Variants in FRMD4B observed in about 807,000 individuals in gnomAD.
FRMD4B encodes FERM domain containing 4B, also known as FERM domain-containing protein 4B.
A neutral mutation model predicts 141.5 loss-of-function variants in FRMD4B; 74 were observed. The ratio of observed to expected loss-of-function variants is 0.52; its 90% CI spans 0.43 to 0.63. The LOEUF is 0.63. Ranked by LOEUF, FRMD4B falls within the 30% of genes least tolerant of loss-of-function variation. The pLI is 0.00. For missense variants in FRMD4B, 1,366 were observed against 1,253.4 expected, an observed-to-expected ratio of 1.09 and a Z score of -1.36; for synonymous variants, 506 against 467.9, an observed-to-expected ratio of 1.08 and a Z score of -1.05.
At chr3:69,351,331 G>T (rs902319770) in intron 1 of FRMD4B, among the ~76,000 whole-genome samples, 3 of 152,166 alleles carry the variant, frequency 2.0e-5, no homozygotes, top group South Asian at 2.1e-4. Flanking sequence ...AGGGACAAAC[G>T]TAAGTCTCAT....
At chr3:69,278,430 C>G (rs868011690) in intron 5 of FRMD4B, among the ~76,000 whole-genome samples, 7 of 152,228 alleles carry the variant, frequency 4.6e-5, no homozygotes, top group Non-Finnish European at 7.4e-5. Flanking sequence ...TCCTGAGCAG[C>G]TAGGACTACA....
intron 1 of FRMD4B, among the ~76,000 whole-genome samples, chr3:69,351,118 C>T (rs962546305): frequency 6.6e-6 from 1 of 152,092 alleles, no homozygotes; most frequent in Non-Finnish European, 1.5e-5. Context: ...AGCCCAATAC[C>T]TTCCTTTCTT....
rs1249681699 is a variant in FRMD4B, at chr3:69,181,274, C to T, written c.2476G>A (p.Glu826Lys). ...DFYYSGGYVY[E>K]NDTEGQYSVN... is the part of the protein sequence containing the mutation. Reference sequence around the variant, plus strand: ...CTATACTGTCCCTCGGTGTCATTCTCATAGACATAACCACCACTGTAATAA... The same window carrying T: ...CTATACTGTCCCTCGGTGTCATTCTTATAGACATAACCACCACTGTAATAA... Residue 826 changes from glutamate to lysine, a missense_variant, in exon 21 of 23, where the codon GAG becomes AAG. Physicochemically the swap from Glu to Lys is moderately conservative, Grantham distance 56. Transcript: ENST00000398540. 1 of 1,613,666 alleles carries T rather than the reference C, an allele frequency of 6.2e-7. No individual in the cohort carries two copies. Among genetic ancestry groups the T allele is most frequent in the African/African-American group, 1.3e-5 (1 of 74,892 alleles).
chr3:69,245,261 C>T (rs1448176841), intron 7 of FRMD4B, among the ~76,000 whole-genome samples: 1 of 151,998 alleles, frequency 6.6e-6, no homozygotes, highest in Non-Finnish European at 1.5e-5. Context: ...GTTCCACAGT[C>T]TTTGCTCTAA....
intron 6 of FRMD4B, among the ~76,000 whole-genome samples, chr3:69,249,534 T>C: frequency 6.6e-6 from 1 of 152,218 alleles, no homozygotes; most frequent in Non-Finnish European, 1.5e-5. Context: ...GATAAATGCT[T>C]TTCATTCAAG....
At chr3:69,284,500 T>A (rs901039949) in intron 5 of FRMD4B, among the ~76,000 whole-genome samples, 3 of 152,128 alleles carry the variant, frequency 2.0e-5, no homozygotes, top group Admixed American at 6.5e-5. Flanking sequence ...TGTGCACTGC[T>A]CTGGGCTAGA....
intron 4 of FRMD4B, among the ~76,000 whole-genome samples, chr3:69,296,736 C>T (rs922374373): frequency 3.3e-5 from 5 of 152,160 alleles, no homozygotes; most frequent in Non-Finnish European, 7.4e-5. Flanking sequence ...TATTGTAAAT[C>T]ACCTACCATC....
In FRMD4B at chr3:69,492,358, A is replaced by T. The variant is rs983069761; in HGVS notation, c.-129+49848T>A. 2.0e-5 allele frequency among the ~76,000 whole-genome samples: 3 copies of T among 152,176 alleles called. No homozygotes were observed. In the South Asian group the frequency reaches 6.2e-4, roughly 32 times the overall value. ...TTCCTGGCAGCCAGTAGCTTGCTCA[A>T]TAAGTGTTAGTCCCCTTTACACAGT... On this transcript the variant is annotated intron_variant, in intron 1 of 5. Transcript: ENST00000459638.
At chr3:69,414,254 A>C (rs1450961741) in intron 2 of FRMD4B, among the ~76,000 whole-genome samples, 1 of 152,046 alleles carries the variant, frequency 6.6e-6, no homozygotes, top group East Asian at 1.9e-4. Context: ...GGAAATAATC[A>C]AGGTGCTGCT....
chr3:69,385,543 A>G (rs931021888), intron 1 of FRMD4B, among the ~76,000 whole-genome samples: 1 of 152,184 alleles, frequency 6.6e-6, no homozygotes, highest in African/African-American at 2.4e-5. Context: ...GTTGCAAAGC[A>G]ACAGCCTCCC....
chr3:69,333,194 AT>A (rs1453418174), intron 1 of FRMD4B, among the ~76,000 whole-genome samples: 1 of 152,174 alleles, frequency 6.6e-6, no homozygotes, highest in South Asian at 2.1e-4. Context: ...AAAAATACAC[AT>A]TTTAAAAAAA....
intron 5 of FRMD4B, among the ~76,000 whole-genome samples, chr3:69,269,199 G>A (rs921889656): frequency 1.1e-4 from 16 of 151,866 alleles, no homozygotes; most frequent in African/African-American, 3.6e-4. Flanking sequence ...AGAGTGTTGG[G>A]ATTACAGGCG....
intron 7 of FRMD4B, among the ~76,000 whole-genome samples, chr3:69,227,593 C>T (rs1331402123): frequency 2.0e-5 from 3 of 150,074 alleles, no homozygotes; most frequent in South Asian, 2.1e-4. Context: ...ACCCAGGAGG[C>T]GGAAGTTGCA....
chr3:69,366,779 T>C (rs905740436), intron 1 of FRMD4B, among the ~76,000 whole-genome samples: 9 of 152,168 alleles, frequency 5.9e-5, no homozygotes, highest in African/African-American at 2.2e-4. Context: ...TGTTGTTTTG[T>C]TTTGTTTTTA....
intron 7 of FRMD4B, among the ~76,000 whole-genome samples, chr3:69,245,198 C>T (rs2093413994): frequency 6.6e-6 from 1 of 152,126 alleles, no homozygotes; most frequent in Non-Finnish European, 1.5e-5. Context: ...GTAATTTGTT[C>T]AAGATTACAC....
At chr3:69,309,337 C>CA (rs1326330887) in intron 3 of FRMD4B, among the ~76,000 whole-genome samples, 6 of 141,572 alleles carry the variant, frequency 4.2e-5, no homozygotes, top group African/African-American at 1.6e-4. Context: ...GATGGGGTCT[C>CA]ACTATGTTGC....
In FRMD4B at chr3:69,412,415, G is replaced by C. The variant is rs1158952266; in HGVS notation, c.-1+20219C>G. Among the ~76,000 whole-genome samples the C allele has an allele frequency of 2.4e-4, 36 of 152,156 alleles. 1 individual carries two copies. Among genetic ancestry groups the C allele is most frequent in the Admixed American group, 2.4e-3 (36 of 15,272 alleles). On this transcript the variant is annotated intron_variant, in intron 2 of 5. Transcript: ENST00000459638. ...GAAGTCTGATTTTATTTTACTGATTGCTATTCTTTTGATAACCCTAAAGTT... is the reference window on the plus strand; with the variant it reads ...GAAGTCTGATTTTATTTTACTGATTCCTATTCTTTTGATAACCCTAAAGTT...
chr3:69,242,042 C>A (rs79720023), intron 7 of FRMD4B, among the ~76,000 whole-genome samples: 5,002 of 152,220 alleles, frequency 0.033, 296 homozygotes, highest in African/African-American at 0.12. Flanking sequence ...CTATCTATAA[C>A]ATGGGGACAA....
rs1337582021 is a variant in FRMD4B at position 69,196,237 on chromosome 3, C to G, written c.1234+18G>C. 6.4e-7 allele frequency: 1 copy of G among 1,554,676 alleles called. No individual in the cohort carries two copies. Among genetic ancestry groups the G allele is most frequent in the East Asian group, 2.3e-5 (1 of 42,554 alleles). On this transcript the variant is annotated intron_variant, in intron 14 of 22. Coordinates refer to ENST00000398540, the MANE Select transcript of FRMD4B (RefSeq NM_015123.3). ...GAAATAAAGATGGCTTGCACGTTCT[C>G]TAATCCCAAGATGTTACCTGAGGAG...
Sources: allele counts gnomAD v4.1 joint callset (sites outside exome capture counted in the v4.1 genomes callset), GRCh38; gene constraint gnomAD v4.1.1; transcripts MANE v1.5; gene names NCBI Gene and HGNC (gene_info 2026-07-23, HGNC 2026-07-21).